ARHGAP28: variants seen among roughly 807,000 people sequenced by gnomAD.
The protein encoded by ARHGAP28 is rho GTPase-activating protein 28.
In ARHGAP28, 56 loss-of-function variants were observed where a neutral mutation model predicts 90.7. The observed-to-expected ratio is 0.62, with a 90% CI of 0.50 to 0.77. ARHGAP28 has a LOEUF of 0.77. Ranked by LOEUF, ARHGAP28 falls within the 30% of genes least tolerant of loss-of-function variation. The pLI is 0.00. For missense variants in ARHGAP28, 869 were observed against 900.9 expected (o/e 0.96, Z 0.45); for synonymous variants, 308 against 323.3 (o/e 0.95, Z 0.51).
chr18:6,910,884 G>A (rs187391002), intron 17 of ARHGAP28, among the ~76,000 whole-genome samples: 29 of 134,834 alleles, frequency 2.2e-4, no homozygotes, highest in East Asian at 4.6e-4. Context: ...TCGCTCTGTC[G>A]CCCAGGCTGG....
intron 1 of ARHGAP28, among the ~76,000 whole-genome samples, chr18:6,777,105 T>C (rs1600173646): frequency 6.6e-6 from 1 of 152,104 alleles, no homozygotes; most frequent in East Asian, 1.9e-4. Context: ...TAAAGAATAT[T>C]AAAATGGGAG....
chr18:6,913,844 G>A lies in ARHGAP28; in HGVS notation c.*1690G>A, dbSNP rs896710611. The A allele has an allele frequency of 1.3e-5, 2 of 151,834 alleles. No individual in the cohort carries two copies. Among genetic ancestry groups the A allele is most frequent in the African/African-American group, 4.8e-5 (2 of 41,296 alleles). 9.4% of individuals were successfully genotyped at this position (151,834 alleles called of 1,614,324 possible). On this transcript the variant is annotated 3_prime_UTR_variant, in exon 18 of 18. Coordinates refer to ENST00000383472, the MANE Select transcript of ARHGAP28 (RefSeq NM_001366230.1). Reference sequence around the variant, plus strand: ...AATGTATGGGTAATTGGTGGCACATGACTTTACATAATGACTTTCTAGACT... The same window carrying A: ...AATGTATGGGTAATTGGTGGCACATAACTTTACATAATGACTTTCTAGACT...
At chr18:6,823,347 A>G (rs891000744) in intron 1 of ARHGAP28, among the ~76,000 whole-genome samples, 5 of 151,988 alleles carry the variant, frequency 3.3e-5, no homozygotes, top group Non-Finnish European at 5.9e-5. Context: ...ACTTAGCACA[A>G]TGTCCTCAGG....
intron 1 of ARHGAP28, among the ~76,000 whole-genome samples, chr18:6,823,601 ATTTTTTTT>A (rs141094607): frequency 2.3e-5 from 3 of 130,062 alleles, no homozygotes; most frequent in Non-Finnish European, 3.3e-5. Context: ...GTGGCTCTTA[ATTTTTTTT>A]TTTTTTTTTT....
intron 4 of ARHGAP28, among the ~76,000 whole-genome samples, chr18:6,852,142 C>A (rs757194724): frequency 1.3e-5 from 2 of 152,194 alleles, no homozygotes; most frequent in Non-Finnish European, 2.9e-5. Flanking sequence ...TTATTTTTCA[C>A]TAAGCTACTT....
At chr18:6,888,343 A>G (rs992657338) in intron 12 of ARHGAP28, among the ~76,000 whole-genome samples, 8 of 146,090 alleles carry the variant, frequency 5.5e-5, no homozygotes, top group Non-Finnish European at 1.2e-4. Flanking sequence ...AAATTGAGAT[A>G]AGGATGAGTT....
intron 16 of ARHGAP28, among the ~76,000 whole-genome samples, chr18:6,902,872 C>T (rs1184810581): frequency 1.3e-5 from 2 of 152,110 alleles, no homozygotes; most frequent in Admixed American, 6.5e-5. Flanking sequence ...CTCTCATGTT[C>T]ACAGCATTAT....
intron 1 of ARHGAP28, among the ~76,000 whole-genome samples, chr18:6,757,703 A>G (rs2056123178): frequency 1.3e-5 from 2 of 152,288 alleles, no homozygotes; most frequent in Middle Eastern, 3.4e-3. Flanking sequence ...TTGCAAAGTT[A>G]ATGGGACGTG....
chr18:6,822,160 G>A (rs1039313171), intron 1 of ARHGAP28, among the ~76,000 whole-genome samples: 3 of 152,018 alleles, frequency 2.0e-5, no homozygotes, highest in African/African-American at 7.2e-5. Flanking sequence ...TTATACAATT[G>A]TATATTAGAC....
chr18:6,824,816 C>G lies in ARHGAP28; in HGVS notation c.177C>G (p.Leu59=), dbSNP rs766694829. 4.6e-6 allele frequency: 7 copies of G among 1,536,382 alleles called. No individual in the cohort carries two copies. In the African/African-American group the frequency reaches 9.6e-5, roughly 21 times the overall value. The part of the protein sequence containing the change: ...RINRMLSNES[L]HPPAFSRSNS... Reference sequence around the variant, plus strand: ...ACAGGATGCTCTCCAATGAATCCCTCCATCCTCCTGCCTTCAGCCGTTCCA... The same window carrying G: ...ACAGGATGCTCTCCAATGAATCCCTGCATCCTCCTGCCTTCAGCCGTTCCA... Residue 59 remains leucine, a synonymous_variant, in exon 2 of 18, where the codon CTC becomes CTG. Coordinates refer to ENST00000383472, the MANE Select transcript of ARHGAP28 (RefSeq NM_001366230.1).
At chr18:6,815,761 G>A (rs1205113213) in intron 1 of ARHGAP28, among the ~76,000 whole-genome samples, 1 of 152,160 alleles carries the variant, frequency 6.6e-6, no homozygotes, top group African/African-American at 2.4e-5. Context: ...CTGCAATAAA[G>A]CTAATGTCAC....
chr18:6,804,752 A>G (rs1305944658), intron 1 of ARHGAP28, among the ~76,000 whole-genome samples: 2 of 152,164 alleles, frequency 1.3e-5, no homozygotes, highest in Non-Finnish European at 2.9e-5. Context: ...ATTTAATTTG[A>G]TTGTAGTCAA....
chr18:6,844,938 A>C (rs2056855313), intron 3 of ARHGAP28, among the ~76,000 whole-genome samples: 1 of 152,260 alleles, frequency 6.6e-6, no homozygotes, highest in Admixed American at 6.5e-5. Context: ...CAATAGCTGC[A>C]GCCAGAAGTC....
At chr18:6,736,592 A>C (rs1393182406) in intron 1 of ARHGAP28, among the ~76,000 whole-genome samples, 1 of 150,406 alleles carries the variant, frequency 6.6e-6, no homozygotes. Flanking sequence ...AAAAAAAAAT[A>C]CAAAATTAGT....
intron 1 of ARHGAP28, among the ~76,000 whole-genome samples, chr18:6,744,948 T>G (rs1170602262): frequency 3.3e-5 from 5 of 151,610 alleles, no homozygotes; most frequent in Non-Finnish European, 5.9e-5. Context: ...GATTTAATAA[T>G]TTCATTTATA....
intron 1 of ARHGAP28, among the ~76,000 whole-genome samples, chr18:6,733,032 A>G (rs1259785193): frequency 6.6e-6 from 1 of 152,190 alleles, no homozygotes. Flanking sequence ...TATAGCTCCA[A>G]TCTTGCAACC....
chr18:6,906,264 A>G (rs1268865344), intron 16 of ARHGAP28, among the ~76,000 whole-genome samples: 1 of 152,214 alleles, frequency 6.6e-6, no homozygotes, highest in Non-Finnish European at 1.5e-5. Flanking sequence ...CTGATTTTTA[A>G]AAGATTTTTA....
chr18:6,894,857 A>G lies in ARHGAP28; in HGVS notation c.1871A>G (p.Lys624Arg), dbSNP rs2057293433. 6.2e-7 allele frequency: 1 copy of G among 1,614,142 alleles called. No homozygotes were observed. Among genetic ancestry groups the G allele is most frequent in the South Asian group, 1.1e-5 (1 of 91,086 alleles). ...TAGACTGCAAGCCCCAAGACTTCAA[A>G]GGTACTGCAAAAATCACCCTCGGCA... ...ERETASPKTS[K>R]VLQKSPSARR... The change falls in exon 15 of 18, where the codon AAG (lysine) becomes AGG (arginine). Residue 624 changes from lysine to arginine, a missense_variant. Physicochemically the swap from Lys to Arg is conservative, Grantham distance 26. Transcript: ENST00000383472.
chr18:6,866,540 C>T (rs1007270088), intron 5 of ARHGAP28, among the ~76,000 whole-genome samples: 1 of 152,186 alleles, frequency 6.6e-6, no homozygotes, highest in Non-Finnish European at 1.5e-5. Flanking sequence ...AGCACCTCTT[C>T]CCTCTCAATC....
Sources: allele counts gnomAD v4.1 joint callset (sites outside exome capture counted in the v4.1 genomes callset), GRCh38; gene constraint gnomAD v4.1.1; transcripts MANE v1.5; gene names NCBI Gene and HGNC (gene_info 2026-07-23, HGNC 2026-07-21).